Variants in CCSER2 observed in about 807,000 individuals in gnomAD.
CCSER2 encodes the protein serine-rich coiled-coil domain-containing protein 2.
Under a neutral mutation model 92.3 loss-of-function variants are expected in CCSER2, and 46 were observed. The observed-to-expected ratio is 0.50, with a 90% CI of 0.39 to 0.64. The LOEUF (loss-of-function observed/expected upper bound fraction) is 0.64, where lower values mean the gene tolerates loss of function less well. Ranked by LOEUF, CCSER2 falls within the 30% of genes least tolerant of loss-of-function variation. The pLI is 0.00. For missense variants in CCSER2, 1,244 were observed against 1,238.9 expected (o/e 1.00, Z -0.06); for synonymous variants, 433 against 431.4 (o/e 1.00, Z -0.04).
intron 8 of CCSER2, among the ~76,000 whole-genome samples, chr10:84,476,242 AATG>A (rs1468524209): frequency 2.0e-5 from 3 of 152,134 alleles, no homozygotes; most frequent in East Asian, 3.8e-4. Context: ...AGGAAATTGT[AATG>A]ATCTGATTGC....
intron 3 of CCSER2, among the ~76,000 whole-genome samples, chr10:84,384,986 T>C (rs1841111233): frequency 6.9e-6 from 1 of 144,240 alleles, no homozygotes; most frequent in African/African-American, 2.6e-5. Flanking sequence ...AATTGAGAGC[T>C]GAAATCAATT....
intron 6 of CCSER2, among the ~76,000 whole-genome samples, chr10:84,462,999 G>A (rs752055426): frequency 6.6e-6 from 1 of 152,190 alleles, no homozygotes; most frequent in Admixed American, 6.5e-5. Context: ...AACCTCAGTT[G>A]TGCTGCCTTA....
intron 6 of CCSER2, chr10:84,455,283 C>CTT (rs71013326): frequency 0.073 from 7,228 of 99,054 alleles, 264 homozygotes; most frequent in East Asian, 0.13. Context: ...TTTTCTTTTT[C>CTT]TTTTTTTTTT....
At chr10:84,425,945 A>G (rs1423145561) in intron 5 of CCSER2, 52 bp downstream of exon 5, 3 of 1,299,680 alleles carry the variant, frequency 2.3e-6, no homozygotes, top group East Asian at 2.6e-5. Flanking sequence ...ATTTTGAATT[A>G]TAATTCTCCC....
At chr10:84,376,426 G>A (rs937059888) in intron 3 of CCSER2, among the ~76,000 whole-genome samples, 3 of 151,894 alleles carry the variant, frequency 2.0e-5, no homozygotes, top group Non-Finnish European at 2.9e-5. Context: ...TGTTGGTTTC[G>A]GTCACTATAA....
chr10:84,372,478 T>G lies in CCSER2; in HGVS notation c.1417+9T>G. 1 of 1,471,442 alleles carries G rather than the reference T, an allele frequency of 6.8e-7. No individual in the cohort carries two copies. Among genetic ancestry groups the G allele is most frequent in the African/African-American group, 1.4e-5 (1 of 70,616 alleles). The allele number at this position is 1,471,442 out of a possible 1,614,324, so 91.1% of individuals were successfully genotyped here. On this transcript the variant is annotated intron_variant, in intron 2 of 9. Coordinates refer to ENST00000372088, the MANE Select transcript of CCSER2 (RefSeq NM_001284240.2). ...AGATATAAGTGTCTCTGGTAAATAT[T>G]ACTTACCTTAAGTTTTTTTGCTTTC...
chr10:84,332,493 C>G (rs1473274680), intron 1 of CCSER2, among the ~76,000 whole-genome samples: 23 of 119,644 alleles, frequency 1.9e-4, no homozygotes, highest in African/African-American at 7.5e-4. Context: ...GGCTGGAGTG[C>G]AGCGGTGCCA....
chr10:84,482,785 A>G (rs1460882723), intron 9 of CCSER2, among the ~76,000 whole-genome samples: 1 of 152,168 alleles, frequency 6.6e-6, no homozygotes, highest in Non-Finnish European at 1.5e-5. Flanking sequence ...CTGTCATGTA[A>G]TTACCTGACC....
chr10:84,338,031 A>T (rs1843936893), intron 1 of CCSER2, among the ~76,000 whole-genome samples: 1 of 152,214 alleles, frequency 6.6e-6, no homozygotes, highest in African/African-American at 2.4e-5. Flanking sequence ...CTGTAATCTC[A>T]GTACTTTGGG....
intron 7 of CCSER2, among the ~76,000 whole-genome samples, chr10:84,465,980 C>T (rs568159132): frequency 5.3e-5 from 8 of 152,242 alleles, no homozygotes; most frequent in Admixed American, 1.3e-4. Flanking sequence ...CCTTGTGATC[C>T]GCCCGCTTCG....
chr10:84,390,389 G>A (rs1841454348), intron 3 of CCSER2, among the ~76,000 whole-genome samples: 1 of 152,116 alleles, frequency 6.6e-6, no homozygotes, highest in Non-Finnish European at 1.5e-5. Context: ...AGAAGTTGTA[G>A]CCTACTATAC....
At position 84,496,310 on chromosome 10, in the gene CCSER2, G is replaced by C. The variant is rs189855970; in HGVS notation, c.2326-17139G>C. ...CCTTTCTTTTTTCTTTTTTGAGACGGAGTCTCGCTCTGTCGCCCAGGCTGG... is the reference window on the plus strand; with the variant it reads ...CCTTTCTTTTTTCTTTTTTGAGACGCAGTCTCGCTCTGTCGCCCAGGCTGG... On this transcript the variant is annotated intron_variant, in intron 9 of 9. Transcript: ENST00000372088. Among the ~76,000 whole-genome samples the C allele has an allele frequency of 2.6e-3, 399 of 152,220 alleles. 1 individual carries two copies. Among genetic ancestry groups the C allele is most frequent in the African/African-American group, 9.2e-3 (383 of 41,512 alleles).
At chr10:84,460,411 T>C (rs1846041681) in intron 6 of CCSER2, among the ~76,000 whole-genome samples, 1 of 152,026 alleles carries the variant, frequency 6.6e-6, no homozygotes, top group African/African-American at 2.4e-5. Flanking sequence ...GACTTCTGCA[T>C]CCTTATACAT....
At chr10:84,476,058 A>G (rs1021917845) in intron 8 of CCSER2, among the ~76,000 whole-genome samples, 2 of 151,860 alleles carry the variant, frequency 1.3e-5, no homozygotes, top group African/African-American at 4.8e-5. Context: ...CTGGTCTGGA[A>G]CCCCTGGGCC....
At chr10:84,373,904 G>T in intron 3 of CCSER2, 89 bp downstream of exon 3, 1 of 1,560,418 alleles carries the variant, frequency 6.4e-7, no homozygotes, top group Non-Finnish European at 8.7e-7. Context: ...AAAAATTTAT[G>T]AATTAACTTT....
At chr10:84,471,331 A>G (rs139006976) in intron 8 of CCSER2, among the ~76,000 whole-genome samples, 1 of 152,254 alleles carries the variant, frequency 6.6e-6, no homozygotes, top group East Asian at 1.9e-4. Context: ...GTCACATACA[A>G]AATTAAAAAG....
chr10:84,445,416 G>GT (rs1168893429), intron 6 of CCSER2, among the ~76,000 whole-genome samples: 1 of 152,220 alleles, frequency 6.6e-6, no homozygotes, highest in East Asian at 1.9e-4. Flanking sequence ...GCCTCCCAAA[G>GT]TGCTGGGATT....
At chr10:84,458,861 ATT>A (rs369996108) in intron 6 of CCSER2, among the ~76,000 whole-genome samples, 2 of 150,856 alleles carry the variant, frequency 1.3e-5, no homozygotes, top group Non-Finnish European at 3.0e-5. Flanking sequence ...GTTATTTTGG[ATT>A]TTTTTCCCTT....
intron 2 of CCSER2, 98 bp downstream of exon 2, chr10:84,372,567 A>G: frequency 6.4e-6 from 5 of 775,880 alleles, no homozygotes; most frequent in Admixed American, 5.6e-5. Context: ...AGATATTATC[A>G]GTTTCACGGA....
Sources: gnomAD v4.1 joint callset for allele counts (sites outside exome capture counted in the v4.1 genomes callset) on GRCh38, gnomAD v4.1.1 for gene constraint, MANE v1.5 for transcripts, NCBI Gene and HGNC (gene_info 2026-07-23, HGNC 2026-07-21) for gene names.